Variants in ADGRE1 observed in about 807,000 individuals in gnomAD.
The protein encoded by ADGRE1 is adhesion G protein-coupled receptor E1, also known as EGF-like module receptor 1.
Under a neutral mutation model 102.7 loss-of-function variants are expected in ADGRE1, and 82 were observed. The observed-to-expected ratio is 0.80, with a 90% CI of 0.67 to 0.96. ADGRE1 has a LOEUF of 0.96. ADGRE1 is among the 40% of genes least tolerant of loss of function. The pLI, the probability that ADGRE1 is intolerant of heterozygous loss-of-function variation, is 0.00. For missense variants in ADGRE1, 1,032 were observed against 1,085.3 expected (o/e 0.95, Z 0.69); for synonymous variants, 398 against 399.6 (o/e 1.00, Z 0.05).
chr19:6,909,793 G>T (rs34518123), intron 10 of ADGRE1, among the ~76,000 whole-genome samples: 6 of 152,090 alleles, frequency 3.9e-5, no homozygotes, highest in South Asian at 2.1e-4. Flanking sequence ...AGAGTGCAAT[G>T]GTGCGATCTT....
intron 10 of ADGRE1, among the ~76,000 whole-genome samples, chr19:6,913,228 G>A (rs1020618402): frequency 3.9e-5 from 6 of 152,038 alleles, no homozygotes; most frequent in Non-Finnish European, 7.4e-5. Flanking sequence ...GCCCAGGCTG[G>A]AGTGCAGTGG....
At chr19:6,915,323 A>G (rs1273412972) in intron 11 of ADGRE1, among the ~76,000 whole-genome samples, 1 of 152,168 alleles carries the variant, frequency 6.6e-6, no homozygotes, top group Non-Finnish European at 1.5e-5. Flanking sequence ...TTATTTGAAG[A>G]TGAAAGGACA....
At chr19:6,890,390 C>T in intron 1 of ADGRE1, 91 bp from the exon 2 acceptor site, 1 of 1,275,014 alleles carries the variant, frequency 7.8e-7, no homozygotes, top group South Asian at 1.4e-5. Flanking sequence ...GGGGCCAAGC[C>T]AGGAGTAATT....
chr19:6,903,984 G>T, intron 7 of ADGRE1, 34 bp downstream of exon 7: 1 of 1,614,038 alleles, frequency 6.2e-7, no homozygotes, highest in Non-Finnish European at 8.5e-7. Context: ...ATCCAGAAAA[G>T]ACATTTCTCT....
chr19:6,893,077 C>A (rs915857890), intron 2 of ADGRE1, among the ~76,000 whole-genome samples: 1 of 152,184 alleles, frequency 6.6e-6, no homozygotes, highest in Middle Eastern at 3.2e-3. Context: ...CACGTAGGAA[C>A]GAGAACATGC....
At chr19:6,905,496 G>A (rs1973920759) in intron 8 of ADGRE1, among the ~76,000 whole-genome samples, 1 of 151,914 alleles carries the variant, frequency 6.6e-6, no homozygotes, top group Non-Finnish European at 1.5e-5. Flanking sequence ...AGGATTACAG[G>A]TGCCCATCAC....
intron 1 of ADGRE1, 63 bp from the exon 2 acceptor site, chr19:6,890,418 A>C: frequency 7.8e-7 from 1 of 1,276,226 alleles, no homozygotes; most frequent in Non-Finnish European, 1.1e-6. Flanking sequence ...TTGAGCCCAA[A>C]AGGTTTTTTT....
chr19:6,896,466 T>C lies in ADGRE1; in HGVS notation c.163T>C (p.Tyr55His). ...ATCTNTVDSY[Y>H]CACKQGFLSS... ...CTGCACCAATACAGTGGACAGTTAC[T>C]ATTGCGCTTGCAAACAAGGCTTCCT... The change falls in exon 3 of 21, where the codon TAT becomes CAT. Residue 55 changes from tyrosine to histidine, a missense_variant. Tyr to His is a moderately conservative substitution (Grantham distance 83). Transcript: ENST00000312053. 2.5e-6 allele frequency: 4 copies of C among 1,614,160 alleles called. No homozygotes were observed. Among genetic ancestry groups the C allele is most frequent in the Non-Finnish European group, 3.4e-6 (4 of 1,179,996 alleles).
intron 11 of ADGRE1, 67 bp from the exon 12 acceptor site, chr19:6,916,182 G>T: frequency 2.6e-6 from 4 of 1,544,518 alleles, no homozygotes; most frequent in South Asian, 2.5e-5. Flanking sequence ...CCTTTTTTTG[G>T]ACAGAAACCA....
rs1318313676 is a variant in ADGRE1, at chr19:6,897,443, T to C, written c.410T>C (p.Leu137Pro). 2 of 1,595,264 alleles carry C rather than the reference T, an allele frequency of 1.3e-6. No homozygotes were observed. Among genetic ancestry groups the C allele is most frequent in the Non-Finnish European group, 1.7e-6 (2 of 1,170,784 alleles). Residue 137 changes from leucine (L) to proline (P), a missense_variant, in exon 5 of 21, where the codon CTC (leucine) becomes CCC (proline). Transcript: ENST00000312053. ...NFSCTDINEC[L>P]TSSVCPEHSD... The stretch of plus-strand genomic sequence containing the variant: ...TGCTTCTCAGATATCAATGAGTGCC[T>C]CACCAGCAGCGTCTGCCCTGAGCAT...
intron 17 of ADGRE1, among the ~76,000 whole-genome samples, chr19:6,934,699 G>T (rs1245181619): frequency 4.0e-5 from 6 of 151,338 alleles, no homozygotes; most frequent in Admixed American, 4.0e-4. Context: ...CCAGGTTCAG[G>T]TGATTCCCCT....
At chr19:6,920,076 G>A (rs1168185128) in intron 13 of ADGRE1, among the ~76,000 whole-genome samples, 4 of 152,116 alleles carry the variant, frequency 2.6e-5, no homozygotes, top group Non-Finnish European at 5.9e-5. Flanking sequence ...TGGGAGGCTG[G>A]GGCAGGTTTT....
intron 18 of ADGRE1, 37 bp from the exon 19 acceptor site, chr19:6,937,206 C>G (rs1417742277): frequency 6.3e-7 from 1 of 1,583,442 alleles, no homozygotes; most frequent in Non-Finnish European, 8.6e-7. Flanking sequence ...CAATAGCCAC[C>G]TCCCAGAGCC....
chr19:6,890,354 T>A, intron 1 of ADGRE1, 127 bp from the exon 2 acceptor site: 1 of 801,664 alleles, frequency 1.2e-6, no homozygotes, highest in Non-Finnish European at 1.9e-6. Context: ...AGGTTTGTCA[T>A]CTAGCCTCTT....
chr19:6,892,310 G>A lies in ADGRE1; in HGVS notation c.94+1767G>A, dbSNP rs139583053. Among the ~76,000 whole-genome samples, 818 of 152,188 alleles carry A rather than the reference G, an allele frequency of 5.4e-3. 30 individuals are homozygous for A. Among genetic ancestry groups the A allele is most frequent in the Admixed American group, 0.049 (751 of 15,284 alleles). ...ACAGGGTGAATAATGTCACAATCAC[G>A]ATAATCCATTCCTTCTGTTTTTATG... On this transcript the variant is annotated intron_variant, in intron 2 of 20. Transcript: ENST00000312053.
chr19:6,894,452 A>C (rs889343227), intron 2 of ADGRE1, among the ~76,000 whole-genome samples: 1 of 152,182 alleles, frequency 6.6e-6, no homozygotes, highest in African/African-American at 2.4e-5. Flanking sequence ...TCCTGGAGGA[A>C]GTGATGCTAA....
At chr19:6,901,608 A>G (rs781634310) in intron 5 of ADGRE1, among the ~76,000 whole-genome samples, 12 of 152,124 alleles carry the variant, frequency 7.9e-5, no homozygotes, top group Non-Finnish European at 1.6e-4. Context: ...TACTTTTCCA[A>G]TTTCTGATAA....
At position 6,921,745 on chromosome 19, in the gene ADGRE1, T is replaced by G. The variant is rs1274682457; in HGVS notation, c.1653T>G (p.Val551=). 6 of 1,612,720 alleles carry G rather than the reference T, an allele frequency of 3.7e-6. No homozygotes were observed. Among genetic ancestry groups the G allele is most frequent in the Non-Finnish European group, 5.1e-6 (6 of 1,179,556 alleles). Reference sequence around the variant, plus strand: ...AGAAGTTTGAGAGGCCCATCTGTGTTTCCTGGAGCACTGATGTGAAGGGTG... The same window carrying G: ...AGAAGTTTGAGAGGCCCATCTGTGTGTCCTGGAGCACTGATGTGAAGGGTG... ...PKQKFERPIC[V]SWSTDVKGGR... The change falls in exon 14 of 21, where the codon GTT becomes GTG. Residue 551 remains valine (V), a synonymous_variant. Coordinates refer to ENST00000312053, the MANE Select transcript of ADGRE1 (RefSeq NM_001974.5).
At chr19:6,911,382 T>A (rs1331912119) in intron 10 of ADGRE1, among the ~76,000 whole-genome samples, 1 of 141,350 alleles carries the variant, frequency 7.1e-6, no homozygotes, top group Non-Finnish European at 1.6e-5. Flanking sequence ...TGGATTCCTT[T>A]TAGTTTTTTT....
Sources: gnomAD v4.1 joint callset for allele counts (sites outside exome capture counted in the v4.1 genomes callset) on GRCh38, gnomAD v4.1.1 for gene constraint, MANE v1.5 for transcripts, NCBI Gene and HGNC (gene_info 2026-07-23, HGNC 2026-07-21) for gene names.